The following RASGRP3 variants were observed in gnomAD, a reference collection of about 807,000 sequenced individuals.
RASGRP3 encodes RAS guanyl releasing protein 3, also known as ras guanyl-releasing protein 3.
Under a neutral mutation model 82.7 loss-of-function variants are expected in RASGRP3, and 54 were observed. The ratio of observed to expected loss-of-function variants is 0.65; its 90% CI spans 0.52 to 0.82. RASGRP3 has a LOEUF of 0.82. Among genes scored for constraint, RASGRP3 ranks in the 40% least tolerant of loss-of-function variants. The pLI is 0.00. For missense variants in RASGRP3, 861 were observed against 828.9 expected (o/e 1.04, Z -0.48); for synonymous variants, 309 against 300.5 (o/e 1.03, Z -0.29).
intron 2 of RASGRP3, among the ~76,000 whole-genome samples, chr2:33,464,479 A>C (rs7589045): frequency 7.3e-6 from 1 of 136,892 alleles, no homozygotes; most frequent in Non-Finnish European, 1.5e-5. Context: ...ATCTTTTTTT[A>C]AAAAAAAAAA....
chr2:33,459,597 G>A (rs1666246846), intron 2 of RASGRP3, among the ~76,000 whole-genome samples: 1 of 152,106 alleles, frequency 6.6e-6, no homozygotes, highest in Admixed American at 6.5e-5. Context: ...AGTCTAGTGT[G>A]AACTGAGCTC....
At position 33,546,845 on chromosome 2, in the gene RASGRP3, A is replaced by G. The variant is rs531942886; in HGVS notation, c.1395-2759A>G. ...CACTTTGGGAGGCTGAGGCAGGCGG[A>G]ACACCTGAGTCGGGAGCTCGAGACC... is the stretch of plus-strand genomic sequence containing the variant. On this transcript the variant is annotated intron_variant, in intron 13 of 17. Transcript: ENST00000403687. Among the ~76,000 whole-genome samples, 5 of 152,248 alleles carry G rather than the reference A, an allele frequency of 3.3e-5. 1 individual carries two copies. The South Asian group carries it at 8.3e-4, about 25-fold the overall frequency.
At chr2:33,546,158 C>T (rs1361218637) in intron 13 of RASGRP3, among the ~76,000 whole-genome samples, 1 of 151,450 alleles carries the variant, frequency 6.6e-6, no homozygotes, top group East Asian at 2.0e-4. Context: ...GCGCTGTGGC[C>T]CACGCCTGTA....
chr2:33,479,425 C>G (rs1305693509), intron 1 of RASGRP3, among the ~76,000 whole-genome samples: 1 of 152,104 alleles, frequency 6.6e-6, no homozygotes, highest in African/African-American at 2.4e-5. Context: ...CACCCATGCC[C>G]CACCCCAAAT....
At chr2:33,505,267 G>A (rs1007218396) in intron 1 of RASGRP3, among the ~76,000 whole-genome samples, 15 of 151,652 alleles carry the variant, frequency 9.9e-5, no homozygotes, top group African/African-American at 3.4e-4. Context: ...TTTGAGACCA[G>A]GTACTTCCAG....
At chr2:33,547,812 CAGGT>C (rs1674950633) in intron 13 of RASGRP3, among the ~76,000 whole-genome samples, 1 of 152,002 alleles carries the variant, frequency 6.6e-6, no homozygotes, top group South Asian at 2.1e-4. Context: ...GAGGGCCCTG[CAGGT>C]GAGCTGGAGA....
chr2:33,460,078 A>C (rs1666275643), intron 2 of RASGRP3, among the ~76,000 whole-genome samples: 1 of 152,228 alleles, frequency 6.6e-6, no homozygotes, highest in African/African-American at 2.4e-5. Context: ...TTAGCAACTA[A>C]AGATACATGT....
chr2:33,562,687 T>C (rs2151129897), intron 17 of RASGRP3, 42 bp from the exon 18 acceptor site: 7 of 1,606,718 alleles, frequency 4.4e-6, no homozygotes, highest in Non-Finnish European at 6.0e-6. Context: ...TATTTTGTTA[T>C]ATGAGATCCA....
chr2:33,483,029 C>T (rs1240102789), intron 1 of RASGRP3: 2 of 140,148 alleles, frequency 1.4e-5, no homozygotes, highest in Non-Finnish European at 3.0e-5. Flanking sequence ...AAGGGAACAA[C>T]TATAATTAAA....
At chr2:33,495,085 C>T (rs186259224) in intron 1 of RASGRP3, among the ~76,000 whole-genome samples, 1 of 152,356 alleles carries the variant, frequency 6.6e-6, no homozygotes, top group East Asian at 1.9e-4. Context: ...CAAACAGTAA[C>T]ATTCCAAAGA....
intron 14 of RASGRP3, among the ~76,000 whole-genome samples, chr2:33,554,003 C>T (rs1376568812): frequency 6.6e-6 from 1 of 152,166 alleles, no homozygotes; most frequent in Non-Finnish European, 1.5e-5. Flanking sequence ...TCCGAAAGTG[C>T]TGGGATTACA....
chr2:33,548,288 G>A (rs1001218746), intron 13 of RASGRP3, among the ~76,000 whole-genome samples: 4 of 150,454 alleles, frequency 2.7e-5, no homozygotes, highest in Admixed American at 6.6e-5. Flanking sequence ...GTGAACCTGG[G>A]AGGCGGAGCT....
chr2:33,489,560 GTTTTAT>G (rs1668681277), intron 1 of RASGRP3, among the ~76,000 whole-genome samples: 2 of 152,084 alleles, frequency 1.3e-5, no homozygotes, highest in Admixed American at 1.3e-4. Flanking sequence ...TCTTTTGTGG[GTTTTAT>G]TTTTATTTTT....
In RASGRP3 at chr2:33,486,257, T is replaced by C. The variant is rs544285046; in HGVS notation, c.-261+9550T>C. On this transcript the variant is annotated intron_variant, in intron 1 of 17. Transcript: ENST00000403687. Reference sequence around the variant, plus strand: ...TTGGCTCACTGCTACCTCTGTCTCCTAGTTCAAGCGATTCTCCTGCCTCAG... The same window carrying C: ...TTGGCTCACTGCTACCTCTGTCTCCCAGTTCAAGCGATTCTCCTGCCTCAG... 3.3e-5 allele frequency among the ~76,000 whole-genome samples: 5 copies of C among 151,828 alleles called. No individual in the cohort carries two copies. The South Asian group carries it at 1.0e-3, about 32-fold the overall frequency.
intron 12 of RASGRP3, among the ~76,000 whole-genome samples, chr2:33,540,466 C>G (rs1674139799): frequency 6.9e-6 from 1 of 145,690 alleles, no homozygotes; most frequent in Admixed American, 7.1e-5. Context: ...GAAGGCAGAG[C>G]TGTTCCCTCT....
At chr2:33,558,557 C>T in intron 16 of RASGRP3, 115 bp from the exon 17 acceptor site, 1 of 1,130,370 alleles carries the variant, frequency 8.8e-7, no homozygotes, top group South Asian at 1.6e-5. Flanking sequence ...GAGTTCTGTC[C>T]CTTGTCGGTT....
At chr2:33,523,017 C>G (rs1008159373) in intron 7 of RASGRP3, among the ~76,000 whole-genome samples, 1 of 152,110 alleles carries the variant, frequency 6.6e-6, no homozygotes, top group Non-Finnish European at 1.5e-5. Flanking sequence ...TAAAGAGCAG[C>G]CTTACTTCAA....
intron 2 of RASGRP3, among the ~76,000 whole-genome samples, chr2:33,514,458 C>T (rs533642590): frequency 8.0e-6 from 1 of 125,132 alleles, no homozygotes; most frequent in Non-Finnish European, 1.6e-5. Flanking sequence ...TGCTTGAACT[C>T]AGGAGTTTGA....
intron 1 of RASGRP3, among the ~76,000 whole-genome samples, chr2:33,444,951 T>C (rs1234159291): frequency 6.6e-6 from 1 of 152,250 alleles, no homozygotes; most frequent in Non-Finnish European, 1.5e-5. Context: ...ATTATGCTCC[T>C]AATAGTGCCT....
Sources: gnomAD v4.1 joint callset for allele counts (sites outside exome capture counted in the v4.1 genomes callset) on GRCh38, gnomAD v4.1.1 for gene constraint, MANE v1.5 for transcripts, NCBI Gene and HGNC (gene_info 2026-07-23, HGNC 2026-07-21) for gene names.